The following UNC5A variants were observed in gnomAD, a reference collection of about 807,000 sequenced individuals.
UNC5A encodes unc-5 netrin receptor A.
In UNC5A, 20 loss-of-function variants were observed where a neutral mutation model predicts 87.4. The ratio of observed to expected loss-of-function variants is 0.23; its 90% CI spans 0.16 to 0.33. The LOEUF (loss-of-function observed/expected upper bound fraction) is 0.33, where lower values mean the gene tolerates loss of function less well. Among genes scored for constraint, UNC5A ranks in the 10% least tolerant of loss-of-function variants. The probability of loss-of-function intolerance (pLI) is 1.00; values close to 1 mark genes in which losing one functional copy is unlikely to be tolerated. For synonymous variants in UNC5A, 438 were observed against 482.3 expected, an observed-to-expected ratio of 0.91 and a Z score of 1.20; for missense variants, 844 against 1,133.4, an observed-to-expected ratio of 0.74 and a Z score of 3.67.
chr5:176,815,810 C>T (rs1463598591), intron 1 of UNC5A, among the ~76,000 whole-genome samples: 3 of 152,208 alleles, frequency 2.0e-5, no homozygotes, highest in Admixed American at 6.5e-5. Context: ...AAGCATCCCC[C>T]CTCCCCCGCC....
chr5:176,850,970 C>T (rs575840400), intron 1 of UNC5A, among the ~76,000 whole-genome samples: 165 of 150,072 alleles, frequency 1.1e-3, no homozygotes, highest in African/African-American at 3.9e-3. Context: ...CCAGGACTTC[C>T]CAGTGCTCCC....
At position 176,868,551 on chromosome 5, in the gene UNC5A, C is replaced by T. The variant is rs774341273; in HGVS notation, c.437-10C>T. On this transcript the variant is annotated splice_polypyrimidine_tract_variant and intron_variant, in intron 3 of 14. Coordinates refer to ENST00000329542, the MANE Select transcript of UNC5A (RefSeq NM_133369.3). ...CCTCAGACAGGAGGACACTCTCATT[C>T]CTCTTCTAGATTTGCGCAAGAACTT... The T allele has an allele frequency of 8.2e-6, 13 of 1,591,482 alleles. No homozygotes were observed. Among genetic ancestry groups the T allele is most frequent in the Admixed American group, 1.8e-5 (1 of 56,014 alleles).
chr5:176,860,638 GT>G (rs10718819), intron 1 of UNC5A, among the ~76,000 whole-genome samples: 2,411 of 152,272 alleles, frequency 0.016, 66 homozygotes, highest in African/African-American at 0.053. Flanking sequence ...CGTCAATAAG[GT>G]GTCTTGGTCC....
At chr5:176,817,757 C>T (rs1172594650) in intron 1 of UNC5A, among the ~76,000 whole-genome samples, 4 of 152,090 alleles carry the variant, frequency 2.6e-5, no homozygotes, top group South Asian at 4.1e-4. Flanking sequence ...CCCGAGCCCA[C>T]GGCAGCCGGG....
chr5:176,872,568 C>A (rs2437940), intron 6 of UNC5A, among the ~76,000 whole-genome samples: 3 of 117,148 alleles, frequency 2.6e-5, no homozygotes, highest in African/African-American at 3.5e-5. Flanking sequence ...CCACAGCTTC[C>A]CATCTGCCCA....
At chr5:176,861,016 C>T (rs926384740) in intron 1 of UNC5A, among the ~76,000 whole-genome samples, 2 of 152,256 alleles carry the variant, frequency 1.3e-5, no homozygotes, top group African/African-American at 2.4e-5. Context: ...CCCTCCACAC[C>T]CATCTGCCCC....
At chr5:176,873,808 A>G (rs566104332) in intron 6 of UNC5A, among the ~76,000 whole-genome samples, 160 bp from the exon 7 acceptor site, 1 of 152,288 alleles carries the variant, frequency 6.6e-6, no homozygotes, top group Admixed American at 6.5e-5. Context: ...GCTGGGATGC[A>G]CACGCACGGA....
intron 14 of UNC5A, 101 bp from the exon 15 acceptor site, chr5:176,879,620 G>T: frequency 1.3e-6 from 2 of 1,554,024 alleles, no homozygotes. Flanking sequence ...CAGTCATTGT[G>T]TTTGGCTTCG....
intron 1 of UNC5A, among the ~76,000 whole-genome samples, chr5:176,819,540 A>G (rs905134058): frequency 4.6e-5 from 7 of 152,070 alleles, no homozygotes; most frequent in Non-Finnish European, 1.5e-5. Context: ...TCTTCCCTCT[A>G]TCCCAAGGTG....
intron 1 of UNC5A, among the ~76,000 whole-genome samples, chr5:176,861,999 G>A (rs1278573781): frequency 1.3e-5 from 2 of 152,240 alleles, no homozygotes; most frequent in Admixed American, 6.5e-5. Flanking sequence ...TGACTTGTGG[G>A]ATGGTTGTGG....
At chr5:176,858,907 C>T (rs1384767153) in intron 1 of UNC5A, among the ~76,000 whole-genome samples, 2 of 152,044 alleles carry the variant, frequency 1.3e-5, no homozygotes, top group African/African-American at 2.4e-5. Flanking sequence ...GAGCCCTGAC[C>T]GGGACACCGA....
Position 176,865,269 on chromosome 5 carries a change from C to G in UNC5A, c.292+2424C>G, listed in dbSNP as rs997081575. Reference sequence around the variant, plus strand: ...CTCCAGTCCAGCCCCCTGCTGCTCCCAGCACCCCCTTCCGGGCTCCCCCGC... The same window carrying G: ...CTCCAGTCCAGCCCCCTGCTGCTCCGAGCACCCCCTTCCGGGCTCCCCCGC... On this transcript the variant is annotated intron_variant, in intron 2 of 14. Coordinates refer to ENST00000329542, the MANE Select transcript of UNC5A (RefSeq NM_133369.3). This position sits in a 1 kb window ranked among gnomAD's most constrained non-coding sequence, Gnocchi z 5.3. 1.3e-5 allele frequency among the ~76,000 whole-genome samples: 2 copies of G among 152,256 alleles called. No homozygotes were observed. Among genetic ancestry groups the G allele is most frequent in the Non-Finnish European group, 2.9e-5 (2 of 68,036 alleles).
At chr5:176,818,519 A>G (rs749846189) in intron 1 of UNC5A, among the ~76,000 whole-genome samples, 6 of 152,222 alleles carry the variant, frequency 3.9e-5, no homozygotes, top group Non-Finnish European at 8.8e-5. Context: ...TCATCTGATC[A>G]AAACCTCAGG....
intron 9 of UNC5A, 63 bp from the exon 10 acceptor site, chr5:176,877,472 C>G (rs938639377): frequency 1.3e-6 from 2 of 1,523,498 alleles, no homozygotes; most frequent in Non-Finnish European, 1.8e-6. Context: ...CTTGGCCTAG[C>G]CCTCAGGACC....
rs62402769 is a variant in UNC5A, at chr5:176,866,938, A to C, written c.293-1192A>C. On this transcript the variant is annotated intron_variant, in intron 2 of 14. Coordinates refer to ENST00000329542, the MANE Select transcript of UNC5A (RefSeq NM_133369.3). The surrounding 1 kb of genome is among the most constrained non-coding windows in gnomAD (Gnocchi z 5.0). ...GCCGGCGACAGGGACAAAGTGATAG[A>C]AAAATCTGGACACCCAGTGTGAGAG... is the stretch of plus-strand genomic sequence containing the variant. Among the ~76,000 whole-genome samples the C allele has an allele frequency of 0.1, 15,304 of 152,202 alleles. 943 individuals carry two copies. The highest frequency in any genetic ancestry group is 0.21 in the East Asian group (1,059 of 5,156).
rs1005315917 is a variant in UNC5A, at chr5:176,875,426, G to A, written c.1378+860G>A. 1.3e-5 allele frequency among the ~76,000 whole-genome samples: 2 copies of A among 151,588 alleles called. No homozygotes were observed. The highest frequency in any genetic ancestry group is 2.4e-5 in the African/African-American group (1 of 41,224). On this transcript the variant is annotated intron_variant, in intron 8 of 14. Transcript: ENST00000329542. The surrounding 1 kb of genome is among the most constrained non-coding windows in gnomAD (Gnocchi z 5.2). ...CACGGATCGTCTAGTTGCTCAAGCC[G>A]GAAACTTGGGGTCACCTTGACCTGC...
chr5:176,868,524 G>T (rs1758028306), intron 3 of UNC5A, 37 bp from the exon 4 acceptor site: 2 of 1,563,044 alleles, frequency 1.3e-6, no homozygotes. Context: ...CCTGTGCGAG[G>T]CCCTCAGACA....
chr5:176,862,948 C>G, intron 2 of UNC5A, 103 bp downstream of exon 2: 1 of 1,387,844 alleles, frequency 7.2e-7, no homozygotes, highest in Non-Finnish European at 1.0e-6. Flanking sequence ...CCTGGGACCC[C>G]GGAGGCCTTC....
In UNC5A at chr5:176,865,586, A is replaced by T; in HGVS notation, c.293-2544A>T. 1 of 456,892 alleles carries T rather than the reference A, an allele frequency of 2.2e-6. No homozygotes were observed. The highest frequency in any genetic ancestry group is 1.5e-5 in the South Asian group (1 of 64,574). 28.3% of individuals were successfully genotyped at this position (456,892 alleles called of 1,614,324 possible). ...ATCTGAACGTTCATTGATCTCATCG[A>T]TTTCTCAACCCAAAGCCATCGAGTG... On this transcript the variant is annotated intron_variant, in intron 2 of 14. Coordinates refer to ENST00000329542, the MANE Select transcript of UNC5A (RefSeq NM_133369.3). This position sits in a 1 kb window ranked among gnomAD's most constrained non-coding sequence, Gnocchi z 5.3.
Sources: gnomAD v4.1 joint callset for allele counts (sites outside exome capture counted in the v4.1 genomes callset) on GRCh38, gnomAD v4.1.1 for gene constraint, Gnocchi (gnomAD v3.1) non-coding constraint, MANE v1.5 for transcripts, NCBI Gene and HGNC (gene_info 2026-07-23, HGNC 2026-07-21) for gene names.